EBF2: variants seen among roughly 807,000 people sequenced by gnomAD.
EBF2 encodes EBF transcription factor 2, also known as transcription factor COE2.
EBF2 carries 21 observed loss-of-function variants against 72.8 expected under a neutral mutation model. That is an observed-to-expected ratio of 0.29 (90% CI 0.20 to 0.42). The LOEUF (loss-of-function observed/expected upper bound fraction) is 0.42, where lower values mean the gene tolerates loss of function less well. Ranked by LOEUF, EBF2 falls within the 10% of genes least tolerant of loss-of-function variation. The pLI, the probability that EBF2 is intolerant of heterozygous loss-of-function variation, is 1.00. For synonymous variants in EBF2, 299 were observed against 274.2 expected (o/e 1.09, Z -0.89); for missense variants, 637 against 731.2 (o/e 0.87, Z 1.49).
In EBF2 at chr8:25,844,049, CTT is replaced by C. The variant is rs1393673189; in HGVS notation, c.*558_*559del. The C allele has an allele frequency of 6.6e-6, 1 of 151,710 alleles. No individual in the cohort carries two copies. The highest frequency in any genetic ancestry group is 1.9e-4 in the East Asian group (1 of 5,182). 9.4% of individuals were successfully genotyped at this position (151,710 alleles called of 1,614,324 possible). A position where few individuals can be genotyped will look rare whatever the true frequency, so the allele number is the denominator to read the frequency against. On this transcript the variant is annotated 3_prime_UTR_variant, in exon 16 of 16. Coordinates refer to ENST00000520164, the MANE Select transcript of EBF2 (RefSeq NM_022659.4). ...TTGTAAAACATTTTAAAATTTTTCC[CTT>C]TTTTTGTTCATTTTTTAAAGAGATT...
At chr8:25,953,738 G>A (rs1165824506) in intron 6 of EBF2, among the ~76,000 whole-genome samples, 2 of 152,316 alleles carry the variant, frequency 1.3e-5, no homozygotes, top group East Asian at 3.9e-4. Flanking sequence ...TGGCTCCAGT[G>A]CCTATTGGCT....
At chr8:25,885,492 G>A (rs1563388522) in intron 10 of EBF2, among the ~76,000 whole-genome samples, 1 of 152,134 alleles carries the variant, frequency 6.6e-6, no homozygotes. Flanking sequence ...TTTTTAAGCT[G>A]TTTTATGCTT....
chr8:25,881,507 C>G (rs1563387172), intron 10 of EBF2, among the ~76,000 whole-genome samples: 1 of 152,192 alleles, frequency 6.6e-6, no homozygotes, highest in Non-Finnish European at 1.5e-5. Context: ...TTAAGTCAGT[C>G]TCCATACTGA....
intron 15 of EBF2, 61 bp downstream of exon 15, chr8:25,850,533 T>C: frequency 6.8e-7 from 1 of 1,461,518 alleles, no homozygotes; most frequent in Non-Finnish European, 9.0e-7. Context: ...ATGTGCTGTT[T>C]GCTCTTACTT....
chr8:26,028,653 G>T (rs1403494133), intron 6 of EBF2, among the ~76,000 whole-genome samples: 2 of 152,226 alleles, frequency 1.3e-5, no homozygotes, highest in Admixed American at 1.3e-4. Context: ...AGAGAAGAGA[G>T]TTTGAAAAGA....
At chr8:25,863,613 G>C (rs1043342190) in intron 10 of EBF2, among the ~76,000 whole-genome samples, 3 of 151,990 alleles carry the variant, frequency 2.0e-5, no homozygotes, top group Non-Finnish European at 4.4e-5. Flanking sequence ...TAAAGAAAAA[G>C]ATACAAAGAA....
At chr8:25,997,976 T>C (rs1277684557) in intron 6 of EBF2, among the ~76,000 whole-genome samples, 1 of 152,190 alleles carries the variant, frequency 6.6e-6, no homozygotes, top group African/African-American at 2.4e-5. Context: ...AGTATTAGAA[T>C]TCCAAGGATA....
At chr8:25,923,587 TTG>T (rs972252824) in intron 6 of EBF2, among the ~76,000 whole-genome samples, 7 of 152,202 alleles carry the variant, frequency 4.6e-5, no homozygotes, top group African/African-American at 1.4e-4. Flanking sequence ...TTTGTTTTTT[TTG>T]TTGTTGTTTG....
rs530015588 is a variant in EBF2 at position 25,876,388 on chromosome 8, G to A, written c.1009+10367C>T. ...GTATACCTATGTAACAAATCTGCAC[G>A]TCCTGCACGTGTATCCCAGAACTTA... On this transcript the variant is annotated intron_variant, in intron 10 of 15. Coordinates refer to ENST00000520164, the MANE Select transcript of EBF2 (RefSeq NM_022659.4). Among the ~76,000 whole-genome samples the A allele has an allele frequency of 2.2e-3, 337 of 152,140 alleles. 2 individuals are homozygous for A. The highest frequency in any genetic ancestry group is 7.8e-3 in the African/African-American group (323 of 41,504).
chr8:25,961,257 T>C (rs2117178957), intron 6 of EBF2, among the ~76,000 whole-genome samples: 1 of 152,370 alleles, frequency 6.6e-6, no homozygotes, highest in South Asian at 2.1e-4. Context: ...GCTTAAAATT[T>C]AAATGTAAAA....
chr8:25,975,455 C>T (rs1008787380), intron 6 of EBF2, among the ~76,000 whole-genome samples: 8 of 152,060 alleles, frequency 5.3e-5, no homozygotes, highest in South Asian at 2.1e-4. Context: ...ACATTTTTCC[C>T]GGTTAAATAG....
intron 6 of EBF2, among the ~76,000 whole-genome samples, chr8:25,937,508 C>G (rs1330955774): frequency 6.6e-6 from 1 of 152,122 alleles, no homozygotes; most frequent in Non-Finnish European, 1.5e-5. Context: ...AATGCCTATT[C>G]TGGATTTATT....
intron 6 of EBF2, among the ~76,000 whole-genome samples, chr8:25,991,096 C>T (rs905190178): frequency 1.3e-5 from 2 of 151,074 alleles, no homozygotes; most frequent in South Asian, 2.1e-4. Context: ...TTGCAAAACT[C>T]GAGTAGTGTG....
At chr8:25,986,017 A>AAAAAAAAAAAAAAAAC (rs1804448086) in intron 6 of EBF2, among the ~76,000 whole-genome samples, 1 of 149,566 alleles carries the variant, frequency 6.7e-6, no homozygotes, top group Non-Finnish European at 1.5e-5. Flanking sequence ...AAAAAAAAAA[A>AAAAAAAAAAAAAAAAC]AAAAAAAAGT....
intron 7 of EBF2, among the ~76,000 whole-genome samples, chr8:25,904,451 G>C (rs186538120): frequency 3.3e-5 from 5 of 151,248 alleles, no homozygotes; most frequent in East Asian, 3.9e-4. Flanking sequence ...AGGGAAGGAG[G>C]GGGGAGAGTT....
At chr8:26,043,536 C>T (rs1805645267) in intron 1 of EBF2, among the ~76,000 whole-genome samples, 1 of 152,194 alleles carries the variant, frequency 6.6e-6, no homozygotes, top group Non-Finnish European at 1.5e-5. Context: ...AAGCCGCGGC[C>T]GCCGCGCTGT....
chr8:26,040,703 C>T, intron 3 of EBF2, 32 bp from the exon 4 acceptor site: 1 of 1,550,730 alleles, frequency 6.4e-7, no homozygotes, highest in Non-Finnish European at 8.7e-7. Context: ...GAGTCAAGGG[C>T]CGTAGAGCCC....
At chr8:25,876,062 G>A (rs1348512477) in intron 10 of EBF2, among the ~76,000 whole-genome samples, 1 of 152,212 alleles carries the variant, frequency 6.6e-6, no homozygotes, top group Non-Finnish European at 1.5e-5. Flanking sequence ...TATATACACT[G>A]TGGAATACTA....
intron 10 of EBF2, among the ~76,000 whole-genome samples, chr8:25,865,105 C>G (rs1320920175): frequency 6.6e-6 from 1 of 151,940 alleles, no homozygotes; most frequent in Non-Finnish European, 1.5e-5. Flanking sequence ...CCGGCCTTCT[C>G]AATTATTCTT....
Sources: gnomAD v4.1 joint callset for allele counts (sites outside exome capture counted in the v4.1 genomes callset) on GRCh38, gnomAD v4.1.1 for gene constraint, MANE v1.5 for transcripts, NCBI Gene and HGNC (gene_info 2026-07-23, HGNC 2026-07-21) for gene names.